The following DPP6 variants were observed in gnomAD, a reference collection of about 807,000 sequenced individuals.
The protein encoded by DPP6 is A-type potassium channel modulatory protein DPP6.
A neutral mutation model predicts 122.6 loss-of-function variants in DPP6; 69 were observed. The observed-to-expected ratio is 0.56, with a 90% confidence interval of 0.46 to 0.69. DPP6 has a LOEUF of 0.69. Among genes scored for constraint, DPP6 ranks in the 30% least tolerant of loss-of-function variants. The pLI, the probability that DPP6 is intolerant of heterozygous loss-of-function variation, is 0.00. For synonymous variants in DPP6, 418 were observed against 433.1 expected (o/e 0.97, Z 0.43); for missense variants, 928 against 1,116.9 (o/e 0.83, Z 2.41).
chr7:153,780,976 T>TA, the DPP6 span, among the ~76,000 whole-genome samples: 30,948 of 152,006 alleles, frequency 0.2, 3,463 homozygotes, highest in South Asian at 0.29. Context: ...ATGAATTTTT[T>TA]AAAAAAATGG....
intron 1 of DPP6, among the ~76,000 whole-genome samples, chr7:153,898,384 C>T (rs920761045): frequency 4.3e-4 from 66 of 152,002 alleles, no homozygotes; most frequent in African/African-American, 1.6e-3. Flanking sequence ...GCCAGGAGTT[C>T]AAGGTTAAAG....
intron 1 of DPP6, among the ~76,000 whole-genome samples, chr7:154,216,047 G>A (rs896571690): frequency 1.3e-5 from 2 of 152,114 alleles, no homozygotes; most frequent in African/African-American, 4.8e-5. Context: ...CCTCTGCCAG[G>A]AACCACAGCA....
chr7:154,134,527 T>G (rs1309772439), intron 1 of DPP6, among the ~76,000 whole-genome samples: 9 of 152,152 alleles, frequency 5.9e-5, no homozygotes, highest in Non-Finnish European at 1.0e-4. Context: ...CCAGCACACA[T>G]CCTGGGTCCA....
chr7:154,698,547 T>C (rs1840345175), intron 7 of DPP6, among the ~76,000 whole-genome samples: 1 of 152,238 alleles, frequency 6.6e-6, no homozygotes. Flanking sequence ...TCTGCTAATA[T>C]AATTTAATTG....
intron 1 of DPP6, among the ~76,000 whole-genome samples, chr7:154,374,124 A>C (rs1812908921): frequency 6.6e-6 from 1 of 152,158 alleles, no homozygotes; most frequent in Non-Finnish European, 1.5e-5. Context: ...TCAGGCTCTT[A>C]ATGAGAGCAC....
chr7:154,340,475 C>A (rs1403066152), intron 1 of DPP6, among the ~76,000 whole-genome samples: 1 of 152,202 alleles, frequency 6.6e-6, no homozygotes, highest in Non-Finnish European at 1.5e-5. Context: ...CCTTCATTCT[C>A]TTCACCTTCG....
chr7:154,105,322 T>G (rs1806080365), intron 1 of DPP6, among the ~76,000 whole-genome samples: 1 of 152,116 alleles, frequency 6.6e-6, no homozygotes, highest in Non-Finnish European at 1.5e-5. Flanking sequence ...AAATGAAAAG[T>G]GTGCTGATAA....
At chr7:154,635,334 A>G (rs1835670153) in intron 5 of DPP6, among the ~76,000 whole-genome samples, 1 of 151,842 alleles carries the variant, frequency 6.6e-6, no homozygotes, top group African/African-American at 2.4e-5. Context: ...GCTTGGCTGA[A>G]GTAATATCAA....
intron 5 of DPP6, among the ~76,000 whole-genome samples, chr7:154,568,700 C>A (rs543405887): frequency 6.6e-6 from 1 of 152,296 alleles, no homozygotes; most frequent in African/African-American, 2.4e-5. Context: ...GGAGCACTGG[C>A]TGTAAACAGG....
chr7:154,040,711 C>G (rs1002021956), intron 1 of DPP6, among the ~76,000 whole-genome samples: 1 of 152,198 alleles, frequency 6.6e-6, no homozygotes, highest in Non-Finnish European at 1.5e-5. Flanking sequence ...TTTTTTCCCA[C>G]ATATTCTGTG....
At chr7:154,595,861 C>T (rs1833060033) in intron 5 of DPP6, among the ~76,000 whole-genome samples, 1 of 152,170 alleles carries the variant, frequency 6.6e-6, no homozygotes, top group African/African-American at 2.4e-5. Context: ...GAGTTTGAGA[C>T]CAGCCTGGCC....
At chr7:154,484,109 A>T (rs1243495720) in intron 3 of DPP6, among the ~76,000 whole-genome samples, 1 of 152,178 alleles carries the variant, frequency 6.6e-6, no homozygotes, top group African/African-American at 2.4e-5. Context: ...TACTTTTAAC[A>T]TCACTAACCA....
intron 1 of DPP6, among the ~76,000 whole-genome samples, chr7:154,309,309 C>T (rs915202237): frequency 1.3e-5 from 2 of 152,148 alleles, no homozygotes; most frequent in Non-Finnish European, 2.9e-5. Flanking sequence ...TTGTACAAAT[C>T]CTGATAGATA....
At chr7:153,904,902 G>A (rs1441110460) in intron 1 of DPP6, among the ~76,000 whole-genome samples, 4 of 152,242 alleles carry the variant, frequency 2.6e-5, no homozygotes, top group Non-Finnish European at 5.9e-5. Context: ...TTACACAGGA[G>A]CTTTCGGAAT....
chr7:154,842,816 C>G (rs538336345), intron 16 of DPP6, among the ~76,000 whole-genome samples: 96 of 152,334 alleles, frequency 6.3e-4, no homozygotes, highest in African/African-American at 2.2e-3. Flanking sequence ...AAAGGCTGAG[C>G]AGATACCATC....
Position 154,483,832 on chromosome 7 carries a change from T to C in DPP6, c.457+8795T>C, listed in dbSNP as rs966152706. Among the ~76,000 whole-genome samples the C allele has an allele frequency of 1.3e-5, 2 of 152,084 alleles. No homozygotes were observed. Among genetic ancestry groups the C allele is most frequent in the Non-Finnish European group, 1.5e-5 (1 of 68,000 alleles). ...GCCTCAGCCTCCCTAGTAGCTGGGA[T>C]TACAGGTGCACACCATCACGCCTAG... is the stretch of plus-strand genomic sequence containing the variant. On this transcript the variant is annotated intron_variant, in intron 3 of 25. Transcript: ENST00000377770. The surrounding 1 kb of genome is among the most constrained non-coding windows in gnomAD (Gnocchi z 8.1).
At chr7:154,081,347 T>C (rs151219253) in intron 1 of DPP6, among the ~76,000 whole-genome samples, 2 of 144,446 alleles carry the variant, frequency 1.4e-5, no homozygotes, top group African/African-American at 5.0e-5. Flanking sequence ...TAGACTCTGA[T>C]GCCTCCAGGG....
At chr7:154,743,393 A>C (rs758191951) in intron 8 of DPP6, among the ~76,000 whole-genome samples, 5 of 152,222 alleles carry the variant, frequency 3.3e-5, no homozygotes, top group Non-Finnish European at 7.3e-5. Flanking sequence ...CAGATGGTGC[A>C]AGGACAGGAG....
intron 1 of DPP6, among the ~76,000 whole-genome samples, chr7:154,032,453 T>G (rs188339858): frequency 6.6e-6 from 1 of 152,334 alleles, no homozygotes; most frequent in East Asian, 1.9e-4. Context: ...AAAGCATGCC[T>G]TCTTGTCCAA....
Sources: gnomAD v4.1 joint callset for allele counts (sites outside exome capture counted in the v4.1 genomes callset) on GRCh38, gnomAD v4.1.1 for gene constraint, Gnocchi (gnomAD v3.1) non-coding constraint, MANE v1.5 for transcripts, NCBI Gene and HGNC (gene_info 2026-07-23, HGNC 2026-07-21) for gene names.